The following SPAG16 variants were observed in gnomAD, a reference collection of about 807,000 sequenced individuals.
The protein encoded by SPAG16 is sperm-associated antigen 16 protein.
Under a neutral mutation model 80.4 loss-of-function variants are expected in SPAG16, and 86 were observed. The ratio of observed to expected loss-of-function variants is 1.07; its 90% CI spans 0.90 to 1.28. The LOEUF (loss-of-function observed/expected upper bound fraction) is 1.28, where lower values mean the gene tolerates loss of function less well. Among genes scored for constraint, SPAG16 ranks in the 50% most tolerant of loss-of-function variants. SPAG16 has a pLI of 0.00. For synonymous variants in SPAG16, 294 were observed against 265.9 expected, an observed-to-expected ratio of 1.11 and a Z score of -1.03; for missense variants, 870 against 765.3, an observed-to-expected ratio of 1.14 and a Z score of -1.61.
intron 14 of SPAG16, among the ~76,000 whole-genome samples, chr2:214,117,824 C>T (rs2054015455): frequency 6.6e-6 from 1 of 152,042 alleles, no homozygotes; most frequent in African/African-American, 2.4e-5. Context: ...AATAAAAACC[C>T]TGAACAATTA....
At chr2:213,614,316 A>G (rs1574497494) in intron 10 of SPAG16, among the ~76,000 whole-genome samples, 2 of 152,232 alleles carry the variant, frequency 1.3e-5, no homozygotes, top group African/African-American at 4.8e-5. Flanking sequence ...AAATGGCATA[A>G]TAAGATACAT....
At chr2:214,331,184 T>C (rs1055856986) in intron 15 of SPAG16, among the ~76,000 whole-genome samples, 1 of 152,150 alleles carries the variant, frequency 6.6e-6, no homozygotes, top group African/African-American at 2.4e-5. Context: ...TCATTTACTG[T>C]CAAAATTGGG....
intron 14 of SPAG16, among the ~76,000 whole-genome samples, chr2:214,144,044 A>G (rs1400883626): frequency 6.6e-6 from 1 of 152,084 alleles, no homozygotes; most frequent in Non-Finnish European, 1.5e-5. Flanking sequence ...TGTAGTTTCA[A>G]CTACTTGGGA....
chr2:214,145,841 C>A (rs1224484506), intron 14 of SPAG16, among the ~76,000 whole-genome samples: 1 of 152,168 alleles, frequency 6.6e-6, no homozygotes, highest in African/African-American at 2.4e-5. Context: ...TCTTCATTCC[C>A]TTTGTATTCA....
chr2:213,832,920 A>G (rs2073757926), intron 10 of SPAG16, among the ~76,000 whole-genome samples: 1 of 152,028 alleles, frequency 6.6e-6, no homozygotes, highest in East Asian at 1.9e-4. Context: ...GTATCAAACC[A>G]TTCCACCTCT....
chr2:213,581,543 A>G (rs1400486233), intron 10 of SPAG16, among the ~76,000 whole-genome samples: 1 of 152,046 alleles, frequency 6.6e-6, no homozygotes, highest in Admixed American at 6.6e-5. Context: ...AATGTTCTTC[A>G]GAAAACCACC....
chr2:213,770,679 G>A (rs1053138491), intron 10 of SPAG16, among the ~76,000 whole-genome samples: 5 of 152,170 alleles, frequency 3.3e-5, no homozygotes, highest in Non-Finnish European at 5.9e-5. Context: ...TGTTCTCACT[G>A]TTCAGCTCCC....
intron 13 of SPAG16, among the ~76,000 whole-genome samples, chr2:214,038,950 C>G (rs1320871320): frequency 1.3e-5 from 2 of 152,094 alleles, no homozygotes; most frequent in Admixed American, 1.3e-4. Flanking sequence ...CATTGACGGA[C>G]ATTTGGGTTG....
chr2:213,622,107 G>A (rs140381366), intron 10 of SPAG16, among the ~76,000 whole-genome samples: 1 of 152,280 alleles, frequency 6.6e-6, no homozygotes, highest in Admixed American at 6.5e-5. Context: ...TTAAAGATGA[G>A]TGCATTTTTT....
intron 1 of SPAG16, among the ~76,000 whole-genome samples, chr2:213,294,720 TG>T (rs994585505): frequency 2.6e-5 from 4 of 152,176 alleles, no homozygotes; most frequent in African/African-American, 9.7e-5. Flanking sequence ...TTACTTGTGA[TG>T]GAGCTTAGTA....
At chr2:214,376,957 C>T (rs938179907) in intron 15 of SPAG16, among the ~76,000 whole-genome samples, 1 of 152,132 alleles carries the variant, frequency 6.6e-6, no homozygotes, top group Non-Finnish European at 1.5e-5. Context: ...CACATGCAGG[C>T]ACTTACAGAC....
chr2:214,116,619 C>T (rs906531361), intron 14 of SPAG16, among the ~76,000 whole-genome samples: 13 of 152,184 alleles, frequency 8.5e-5, no homozygotes, highest in African/African-American at 3.1e-4. Flanking sequence ...GCGCAGAGAC[C>T]TGCTGGGAAG....
intron 13 of SPAG16, among the ~76,000 whole-genome samples, 173 bp downstream of exon 13, chr2:214,014,250 C>T (rs1480135480): frequency 6.6e-6 from 1 of 152,118 alleles, no homozygotes; most frequent in Non-Finnish European, 1.5e-5. Flanking sequence ...ATCCATTCTG[C>T]CTTCCAAATG....
intron 10 of SPAG16, among the ~76,000 whole-genome samples, chr2:213,655,029 A>G (rs1304125782): frequency 1.3e-5 from 2 of 152,238 alleles, no homozygotes; most frequent in East Asian, 3.8e-4. Flanking sequence ...AAACTACTCC[A>G]TATGATACTA....
chr2:213,563,835 T>C (rs1254346926), intron 10 of SPAG16, among the ~76,000 whole-genome samples: 1 of 152,246 alleles, frequency 6.6e-6, no homozygotes, highest in East Asian at 1.9e-4. Flanking sequence ...AACATATTAA[T>C]GTACATGGCT....
At chr2:214,102,954 C>T (rs550224645) in intron 13 of SPAG16, among the ~76,000 whole-genome samples, 7 of 152,246 alleles carry the variant, frequency 4.6e-5, no homozygotes, top group African/African-American at 1.7e-4. Context: ...ACTTCATGGG[C>T]TTGCCTCTTT....
chr2:214,358,462 G>T (rs927589846), intron 15 of SPAG16, among the ~76,000 whole-genome samples: 1 of 151,852 alleles, frequency 6.6e-6, no homozygotes, highest in Admixed American at 6.6e-5. Flanking sequence ...AATTTTAAAA[G>T]ATTTCTCACA....
rs79792015 is a variant in SPAG16, at chr2:213,693,535, A to G, written c.1071-168950A>G. Among the ~76,000 whole-genome samples the G allele has an allele frequency of 2.4e-3, 370 of 152,352 alleles. 5 individuals carry two copies. In the East Asian group the frequency reaches 0.057, roughly 24 times the overall value. On this transcript the variant is annotated intron_variant, in intron 10 of 15. Transcript: ENST00000331683. Reference sequence around the variant, plus strand: ...AATGGCCATTAAACAAAAATACATGATGTAGCTTGCTAAATAATTTATGGG... The same window carrying G: ...AATGGCCATTAAACAAAAATACATGGTGTAGCTTGCTAAATAATTTATGGG...
At chr2:214,041,741 C>T (rs2049018445) in intron 13 of SPAG16, among the ~76,000 whole-genome samples, 1 of 151,504 alleles carries the variant, frequency 6.6e-6, no homozygotes, top group African/African-American at 2.4e-5. Flanking sequence ...ATACTGTATG[C>T]ATATTCTTTC....
Sources: gnomAD v4.1 joint callset for allele counts (sites outside exome capture counted in the v4.1 genomes callset) on GRCh38, gnomAD v4.1.1 for gene constraint, MANE v1.5 for transcripts, NCBI Gene and HGNC (gene_info 2026-07-23, HGNC 2026-07-21) for gene names.